CFAP299: variants seen among roughly 807,000 people sequenced by gnomAD.
CFAP299 encodes cilia- and flagella-associated protein 299.
CFAP299 carries 21 observed loss-of-function variants against 27.0 expected under a neutral mutation model. The observed-to-expected ratio is 0.78, with a 90% CI of 0.55 to 1.12. The LOEUF (loss-of-function observed/expected upper bound fraction) is 1.12, where lower values mean the gene tolerates loss of function less well. CFAP299 is among the 50% of genes most tolerant of loss of function. CFAP299 has a pLI of 0.00. For missense variants in CFAP299, 310 were observed against 276.6 expected (o/e 1.12, Z -0.86); for synonymous variants, 104 against 98.1 (o/e 1.06, Z -0.36).
At chr4:80,598,997 C>T (rs1034112399) in intron 3 of CFAP299, among the ~76,000 whole-genome samples, 2 of 152,152 alleles carry the variant, frequency 1.3e-5, no homozygotes, top group Admixed American at 1.3e-4. Flanking sequence ...ATGCGGCATG[C>T]CTAAATGTCA....
intron 3 of CFAP299, among the ~76,000 whole-genome samples, chr4:80,866,069 A>ATATATG (rs1009014820): frequency 2.8e-5 from 2 of 72,544 alleles, no homozygotes; most frequent in African/African-American, 1.1e-4. Context: ...TTATATATAT[A>ATATATG]TATATATATA....
At position 80,770,190 on chromosome 4, in the gene CFAP299, A is replaced by G. The variant is rs550343119; in HGVS notation, c.334-99803A>G. ...TTGTGGGCCTTACGTATAGATTTCC[A>G]TCTATAGATTTTTGCTCGATTAGAC... On this transcript the variant is annotated intron_variant, in intron 3 of 5. Transcript: ENST00000358105. Among the ~76,000 whole-genome samples, 4 of 152,232 alleles carry G rather than the reference A, an allele frequency of 2.6e-5. No individual in the cohort carries two copies. In the East Asian group the frequency reaches 7.7e-4, roughly 29 times the overall value.
At chr4:80,577,991 A>G (rs1411081819) in intron 2 of CFAP299, among the ~76,000 whole-genome samples, 1 of 152,230 alleles carries the variant, frequency 6.6e-6, no homozygotes, top group African/African-American at 2.4e-5. Flanking sequence ...ATTGTTGAAG[A>G]TTAATAATAT....
chr4:80,451,069 A>T (rs1486073417), intron 2 of CFAP299, among the ~76,000 whole-genome samples: 1 of 152,068 alleles, frequency 6.6e-6, no homozygotes, highest in Non-Finnish European at 1.5e-5. Context: ...CTGCCAACAA[A>T]ATCTCACAGA....
chr4:80,807,557 A>T (rs1194564098), intron 3 of CFAP299, among the ~76,000 whole-genome samples: 1 of 152,130 alleles, frequency 6.6e-6, no homozygotes, highest in East Asian at 1.9e-4. Flanking sequence ...CTTAATAAAT[A>T]TACTCGGTAG....
intron 2 of CFAP299, among the ~76,000 whole-genome samples, chr4:80,417,173 G>A (rs1727059248): frequency 6.6e-6 from 1 of 152,162 alleles, no homozygotes; most frequent in African/African-American, 2.4e-5. Flanking sequence ...CATGGCATTT[G>A]TAAACTGTCA....
chr4:80,922,726 T>C (rs1038993872), intron 4 of CFAP299, among the ~76,000 whole-genome samples: 1 of 151,690 alleles, frequency 6.6e-6, no homozygotes, highest in African/African-American at 2.4e-5. Flanking sequence ...TTGTGGAAAA[T>C]ATGTTGACTA....
intron 3 of CFAP299, among the ~76,000 whole-genome samples, chr4:80,680,116 C>T (rs1362344135): frequency 6.6e-6 from 1 of 152,050 alleles, no homozygotes; most frequent in South Asian, 2.1e-4. Flanking sequence ...TCTACTGCCT[C>T]TTCTCTGGAA....
intron 2 of CFAP299, among the ~76,000 whole-genome samples, chr4:80,519,544 A>G (rs1049446821): frequency 6.6e-6 from 1 of 152,194 alleles, no homozygotes; most frequent in African/African-American, 2.4e-5. Context: ...ATTGCAGTGA[A>G]TTAAAGCTTT....
chr4:80,386,035 G>A (rs1477550777), intron 2 of CFAP299: 2 of 419,700 alleles, frequency 4.8e-6, no homozygotes, highest in Non-Finnish European at 8.4e-6. Flanking sequence ...CATGAGCCAA[G>A]GTTTATGAAT....
chr4:80,572,025 G>A (rs1467436720), intron 2 of CFAP299, among the ~76,000 whole-genome samples: 3 of 152,046 alleles, frequency 2.0e-5, no homozygotes, highest in Admixed American at 2.0e-4. Flanking sequence ...CATCTTTAAT[G>A]TTCTTTTATT....
chr4:80,583,103 A>G lies in CFAP299; in HGVS notation c.253A>G (p.Ser85Gly), dbSNP rs1272972948. The change falls in exon 3 of 6, where the codon AGT becomes GGT. Residue 85 changes from serine (S) to glycine (G), a missense_variant. Coordinates refer to ENST00000358105, the MANE Select transcript of CFAP299 (RefSeq NM_152770.3). ...ATCTGCCTTTTACAGGACGCTAACA[A>G]GTGCTGGTAAAGACCTACAAGATAA... ...AERAQQKTLT[S>G]AGKDLQDNFL... is the part of the protein sequence containing the mutation. 6 of 1,600,734 alleles carry G rather than the reference A, an allele frequency of 3.7e-6. No homozygotes were observed. The highest frequency in any genetic ancestry group is 5.1e-6 in the Non-Finnish European group (6 of 1,171,846).
chr4:80,529,746 CT>C (rs372770572), intron 2 of CFAP299, among the ~76,000 whole-genome samples: 2,339 of 146,686 alleles, frequency 0.016, 34 homozygotes, highest in South Asian at 0.071. Flanking sequence ...AGATACAATC[CT>C]TTTTTTTTTT....
chr4:80,325,931 G>A, the CFAP299 span, among the ~76,000 whole-genome samples: 24 of 152,196 alleles, frequency 1.6e-4, 1 homozygote, highest in Non-Finnish European at 1.5e-5. Context: ...ACAGATTGGT[G>A]TAATAACTGT....
chr4:80,692,453 C>T (rs917744253), intron 3 of CFAP299, among the ~76,000 whole-genome samples: 1 of 152,132 alleles, frequency 6.6e-6, no homozygotes, highest in African/African-American at 2.4e-5. Flanking sequence ...GAAAGGATTC[C>T]CTATTTAATA....
chr4:80,888,505 C>A (rs1734082686), intron 4 of CFAP299, among the ~76,000 whole-genome samples: 1 of 152,100 alleles, frequency 6.6e-6, no homozygotes, highest in Admixed American at 6.5e-5. Context: ...TGAGATAGAT[C>A]CCAATACAAT....
chr4:80,636,145 T>G (rs774869085), intron 3 of CFAP299, among the ~76,000 whole-genome samples: 8 of 152,162 alleles, frequency 5.3e-5, no homozygotes, highest in Non-Finnish European at 8.8e-5. Context: ...AAGCTTTCTC[T>G]GAAACCTTCC....
At chr4:80,602,038 C>A (rs1462510353) in intron 3 of CFAP299, among the ~76,000 whole-genome samples, 2 of 152,078 alleles carry the variant, frequency 1.3e-5, no homozygotes, top group South Asian at 2.1e-4. Flanking sequence ...TAGAGGGGAA[C>A]AACACATACT....
chr4:80,721,572 A>T (rs919677576), intron 3 of CFAP299, among the ~76,000 whole-genome samples: 1 of 152,184 alleles, frequency 6.6e-6, no homozygotes, highest in African/African-American at 2.4e-5. Context: ...TCTATCTCTA[A>T]ATACAATCAT....
Sources: allele counts gnomAD v4.1 joint callset (sites outside exome capture counted in the v4.1 genomes callset), GRCh38; gene constraint gnomAD v4.1.1; transcripts MANE v1.5; gene names NCBI Gene and HGNC (gene_info 2026-07-23, HGNC 2026-07-21).